Variants in GTF2A1L observed in about 807,000 individuals in gnomAD.
GTF2A1L encodes TFIIA-alpha and beta-like factor.
In GTF2A1L, 48 loss-of-function variants were observed where a neutral mutation model predicts 49.7. The ratio of observed to expected loss-of-function variants is 0.97; its 90% CI spans 0.77 to 1.23. The LOEUF (loss-of-function observed/expected upper bound fraction) is 1.23. GTF2A1L is among the 50% of genes most tolerant of loss of function. GTF2A1L has a pLI of 0.00. For synonymous variants in GTF2A1L, 246 were observed against 193.5 expected (o/e 1.27, Z -2.25); for missense variants, 736 against 564.8 (o/e 1.30, Z -3.07).
chr2:48,631,529 G>T (rs1277758909), intron 3 of GTF2A1L, among the ~76,000 whole-genome samples: 3 of 151,796 alleles, frequency 2.0e-5, no homozygotes, highest in South Asian at 4.1e-4. Flanking sequence ...TGTTAATCTA[G>T]TTAGTGTTCT....
intron 6 of GTF2A1L, among the ~76,000 whole-genome samples, chr2:48,658,929 T>C (rs1189428360): frequency 4.6e-5 from 7 of 152,142 alleles, no homozygotes; most frequent in Admixed American, 4.6e-4. Context: ...AAAGCTCTTA[T>C]ATCTCCTTAA....
intron 6 of GTF2A1L, among the ~76,000 whole-genome samples, chr2:48,648,645 A>G (rs1248406042): frequency 6.6e-6 from 1 of 152,068 alleles, no homozygotes. Context: ...CCTAATACCA[A>G]TCTTGTAATT....
In GTF2A1L at chr2:48,620,904, A is replaced by G. The variant is rs75526749; in HGVS notation, c.75A>G (p.Leu25=). ...IEDVIEGVRN[L]FAEEGIEEQV... ...ATGTAATTGAAGGAGTTCGGAATCT[A>G]TTTGCTGAAGAAGGTATAGAGGAAC... The change falls in exon 2 of 9, where the codon CTA becomes CTG. Residue 25 remains leucine, a synonymous_variant. Coordinates refer to ENST00000403751, the MANE Select transcript of GTF2A1L (RefSeq NM_006872.5). 1.5e-4 allele frequency: 241 copies of G among 1,606,644 alleles called. No individual in the cohort carries two copies. In the African/African-American group the frequency reaches 2.3e-3, roughly 16 times the overall value.
intron 8 of GTF2A1L, among the ~76,000 whole-genome samples, chr2:48,677,205 C>T (rs1679513466): frequency 6.6e-6 from 1 of 151,900 alleles, no homozygotes; most frequent in African/African-American, 2.4e-5. Context: ...TTCATATTAA[C>T]TCCAGAATCA....
chr2:48,651,636 A>C (rs1374287989), intron 6 of GTF2A1L, among the ~76,000 whole-genome samples: 1 of 152,118 alleles, frequency 6.6e-6, no homozygotes, highest in Non-Finnish European at 1.5e-5. Flanking sequence ...ATAATTCTAA[A>C]AGAAGTCTCA....
At chr2:48,647,188 A>G (rs920496775) in intron 6 of GTF2A1L, 146 bp downstream of exon 6, 1 of 744,882 alleles carries the variant, frequency 1.3e-6, no homozygotes, top group East Asian at 3.0e-5. Flanking sequence ...TTTTCTAGTG[A>G]TTTAAAAAAA....
chr2:48,650,326 T>C (rs957819139), intron 6 of GTF2A1L, among the ~76,000 whole-genome samples: 1 of 152,164 alleles, frequency 6.6e-6, no homozygotes, highest in African/African-American at 2.4e-5. Context: ...AGTGCAGGTC[T>C]ACCCTAAGAG....
chr2:48,657,443 T>A (rs1678244329), intron 6 of GTF2A1L, among the ~76,000 whole-genome samples: 1 of 152,204 alleles, frequency 6.6e-6, no homozygotes, highest in African/African-American at 2.4e-5. Context: ...TTTCTTTTTT[T>A]TGGGGCTGCA....
intron 1 of GTF2A1L, among the ~76,000 whole-genome samples, chr2:48,620,550 C>A (rs190299397): frequency 5.7e-4 from 86 of 152,086 alleles, no homozygotes; most frequent in Non-Finnish European, 8.8e-4. Context: ...GAGGCTGAGG[C>A]GGGTGGATCA....
intron 6 of GTF2A1L, among the ~76,000 whole-genome samples, chr2:48,658,684 C>G (rs1296717682): frequency 6.6e-6 from 1 of 151,884 alleles, no homozygotes; most frequent in Non-Finnish European, 1.5e-5. Flanking sequence ...AGGTATTGGT[C>G]TGTTTAGAGT....
intron 6 of GTF2A1L, among the ~76,000 whole-genome samples, chr2:48,649,484 G>A (rs1455011612): frequency 2.0e-5 from 3 of 152,012 alleles, no homozygotes; most frequent in Non-Finnish European, 4.4e-5. Flanking sequence ...TAAGCTTCAG[G>A]GATCAGAATT....
At chr2:48,679,199 A>C in intron 8 of GTF2A1L, 136 bp from the exon 9 acceptor site, 2 of 1,149,576 alleles carry the variant, frequency 1.7e-6, no homozygotes, top group Non-Finnish European at 2.4e-6. Context: ...TGGAATAAAC[A>C]AACTATCTTG....
chr2:48,637,103 G>C (rs1023960599), intron 3 of GTF2A1L, among the ~76,000 whole-genome samples: 1 of 152,198 alleles, frequency 6.6e-6, no homozygotes, highest in African/African-American at 2.4e-5. Flanking sequence ...TAGGTGATTT[G>C]AGAGTTAGAA....
chr2:48,631,569 G>A (rs886844347), intron 3 of GTF2A1L, among the ~76,000 whole-genome samples: 1 of 151,932 alleles, frequency 6.6e-6, no homozygotes, highest in African/African-American at 2.4e-5. Context: ...TCAGAGAACC[G>A]GTGTTTGGTT....
chr2:48,673,401 C>T (rs576428235), intron 8 of GTF2A1L, among the ~76,000 whole-genome samples: 50 of 129,170 alleles, frequency 3.9e-4, no homozygotes, highest in African/African-American at 5.1e-4. Flanking sequence ...CTGGCTCTGT[C>T]GCCCAGGCTG....
chr2:48,670,850 G>T (rs1440146028), intron 7 of GTF2A1L, among the ~76,000 whole-genome samples: 2 of 152,188 alleles, frequency 1.3e-5, no homozygotes, highest in South Asian at 2.1e-4. Flanking sequence ...TTGAGACAGG[G>T]TCTTGCTCTG....
intron 6 of GTF2A1L, among the ~76,000 whole-genome samples, chr2:48,650,398 T>C (rs1190399008): frequency 1.3e-5 from 2 of 152,150 alleles, no homozygotes; most frequent in Admixed American, 6.5e-5. Flanking sequence ...TCTGGAGTGA[T>C]TGTAATATAT....
chr2:48,653,440 G>T (rs1361629151), intron 6 of GTF2A1L, among the ~76,000 whole-genome samples: 1 of 152,072 alleles, frequency 6.6e-6, no homozygotes, highest in Admixed American at 6.6e-5. Context: ...CCCAGTTCCT[G>T]GCGGTCACTC....
chr2:48,677,980 TGTG>T (rs1679567088), intron 8 of GTF2A1L, among the ~76,000 whole-genome samples: 4 of 11,344 alleles, frequency 3.5e-4, no homozygotes, highest in African/African-American at 4.3e-4. Flanking sequence ...CTGAGATGGG[TGTG>T]TGTGTGTGTG....
Sources: gnomAD v4.1 joint callset for allele counts (sites outside exome capture counted in the v4.1 genomes callset) on GRCh38, gnomAD v4.1.1 for gene constraint, MANE v1.5 for transcripts, NCBI Gene and HGNC (gene_info 2026-07-23, HGNC 2026-07-21) for gene names.